PARP4: variants seen among roughly 807,000 people sequenced by gnomAD.
PARP4 encodes the protein protein mono-ADP-ribosyltransferase PARP4.
PARP4 carries 120 observed loss-of-function variants against 187.7 expected under a neutral mutation model. That is an observed-to-expected ratio of 0.64 (90% CI 0.55 to 0.74). The LOEUF (loss-of-function observed/expected upper bound fraction) is 0.74. Ranked by LOEUF, PARP4 falls within the 30% of genes least tolerant of loss-of-function variation. The pLI is 0.00. For missense variants in PARP4, 1,836 were observed against 2,070.5 expected, an observed-to-expected ratio of 0.89 and a Z score of 2.20; for synonymous variants, 654 against 740.9, an observed-to-expected ratio of 0.88 and a Z score of 1.90.
At chr13:24,496,891 C>T (rs1404692942) in intron 6 of PARP4, among the ~76,000 whole-genome samples, 1 of 152,136 alleles carries the variant, frequency 6.6e-6, no homozygotes, top group African/African-American at 2.4e-5. Context: ...GGCGTGGCAG[C>T]GCATGCCTGT....
At position 24,486,175 on chromosome 13, in the gene PARP4, A is replaced by C. The variant is rs73154350; in HGVS notation, c.1345T>G (p.Leu449Val). 4 of 1,609,790 alleles carry C rather than the reference A, an allele frequency of 2.5e-6. No individual in the cohort carries two copies. The highest frequency in any genetic ancestry group is 3.4e-6 in the Non-Finnish European group (4 of 1,178,526). The change falls in exon 11 of 34, where the codon TTG becomes GTG. Residue 449 changes from leucine to valine, a missense_variant. By Grantham distance (32) the Leu-to-Val change is conservative (BLOSUM62 1). Transcript: ENST00000381989. ...GSPVQNIVGILCRGLLLPKVV... is the reference protein window; with the variant it reads ...GSPVQNIVGIVCRGLLLPKVV... ...AAAGATGGCTACTCTTACCGACACA[A>C]GATTCCCACGATGTTTTGTACAGGA...
At chr13:24,491,122 AT>A (rs569158116) in intron 9 of PARP4, among the ~76,000 whole-genome samples, 1,417 of 137,840 alleles carry the variant, frequency 0.01, 11 homozygotes, top group African/African-American at 0.011. Context: ...CATGACTGAC[AT>A]TTTTTTTTTT....
intron 31 of PARP4, among the ~76,000 whole-genome samples, chr13:24,432,765 C>T (rs1870409402): frequency 6.6e-6 from 1 of 151,790 alleles, no homozygotes; most frequent in South Asian, 2.1e-4. Flanking sequence ...TTTAAAACTA[C>T]CTTCCCTGCA....
At chr13:24,475,387 C>T (rs1872933349) in intron 15 of PARP4, 85 bp downstream of exon 15, 11 of 1,261,122 alleles carry the variant, frequency 8.7e-6, no homozygotes, top group Non-Finnish European at 1.3e-5. Context: ...TATCTATTCC[C>T]TTCAGTTCAT....
intron 17 of PARP4, among the ~76,000 whole-genome samples, chr13:24,465,772 T>TA (rs34165229): frequency 8.7e-5 from 13 of 148,922 alleles, no homozygotes; most frequent in Non-Finnish European, 1.0e-4. Context: ...CCCAGAACTT[T>TA]AAAAAAAAAA....
intron 27 of PARP4, among the ~76,000 whole-genome samples, chr13:24,445,165 G>GACATCTGC (rs970185792): frequency 1.4e-4 from 22 of 152,010 alleles, no homozygotes; most frequent in African/African-American, 5.3e-4. Context: ...CACACGTAAC[G>GACATCTGC]ACATCTGCAT....
At chr13:24,453,027 T>C (rs531515597) in intron 23 of PARP4, among the ~76,000 whole-genome samples, 3 of 152,174 alleles carry the variant, frequency 2.0e-5, no homozygotes, top group Non-Finnish European at 4.4e-5. Flanking sequence ...TTCTACCTCC[T>C]GGGTTCAAGC....
intron 32 of PARP4, among the ~76,000 whole-genome samples, chr13:24,427,099 T>A (rs1870099427): frequency 6.6e-6 from 1 of 152,050 alleles, no homozygotes; most frequent in South Asian, 2.1e-4. Context: ...TCACTTGCCA[T>A]CTTCAATAAC....
chr13:24,430,011 T>G (rs1319048938), intron 32 of PARP4, among the ~76,000 whole-genome samples: 4 of 152,256 alleles, frequency 2.6e-5, no homozygotes, highest in Non-Finnish European at 5.9e-5. Context: ...TTTCTTTCTT[T>G]CAAAGATTAT....
intron 14 of PARP4, among the ~76,000 whole-genome samples, 170 bp from the exon 15 acceptor site, chr13:24,475,766 G>A (rs532517379): frequency 1.1e-4 from 17 of 149,256 alleles, no homozygotes; most frequent in African/African-American, 3.2e-4. Flanking sequence ...GAACCCACAT[G>A]AGAAAAATGA....
intron 3 of PARP4, among the ~76,000 whole-genome samples, 180 bp from the exon 4 acceptor site, chr13:24,500,562 C>T (rs2275662): frequency 0.098 from 14,923 of 152,226 alleles, 806 homozygotes; most frequent in Non-Finnish European, 0.12. Context: ...ATAGGGAGAA[C>T]ATACTCTAAT....
At chr13:24,484,621 GT>G (rs1474783848) in intron 12 of PARP4, 31 bp downstream of exon 12, 1 of 1,411,328 alleles carries the variant, frequency 7.1e-7, no homozygotes, top group Non-Finnish European at 1.0e-6. Flanking sequence ...CAAGTATTCA[GT>G]AACGATTCTG....
chr13:24,506,058 G>A (rs986753930), intron 1 of PARP4, among the ~76,000 whole-genome samples: 2 of 152,202 alleles, frequency 1.3e-5, no homozygotes, highest in African/African-American at 4.8e-5. Context: ...GAATTTGTGG[G>A]TTCTTGGTCT....
At chr13:24,459,169 TC>T in intron 19 of PARP4, 47 bp from the exon 20 acceptor site, 1 of 1,578,506 alleles carries the variant, frequency 6.3e-7, no homozygotes, top group Non-Finnish European at 8.6e-7. Context: ...ATCTTAAATT[TC>T]TATCTGAAAT....
intron 1 of PARP4, among the ~76,000 whole-genome samples, chr13:24,507,181 C>T (rs999929303): frequency 4.6e-5 from 7 of 152,240 alleles, no homozygotes; most frequent in African/African-American, 1.2e-4. Context: ...TTCCGTCCTG[C>T]GCCTGCAAGC....
At chr13:24,446,884 C>T in intron 26 of PARP4, 123 bp from the exon 27 acceptor site, 1 of 1,387,218 alleles carries the variant, frequency 7.2e-7, no homozygotes. Flanking sequence ...CTCCCCAAAG[C>T]CCTGGCTAAC....
At chr13:24,436,504 C>T (rs1286672313) in intron 30 of PARP4, among the ~76,000 whole-genome samples, 1 of 151,918 alleles carries the variant, frequency 6.6e-6, no homozygotes, top group Non-Finnish European at 1.5e-5. Flanking sequence ...GATGTGGTCT[C>T]ATTATGTTGA....
chr13:24,467,019 G>A (rs73154323), intron 17 of PARP4, among the ~76,000 whole-genome samples: 13,255 of 152,172 alleles, frequency 0.087, 699 homozygotes, highest in Non-Finnish European at 0.12. Flanking sequence ...GAAACTCACA[G>A]ATTGGATAAA....
intron 30 of PARP4, 45 bp from the exon 31 acceptor site, chr13:24,435,519 T>C: frequency 3.3e-6 from 5 of 1,515,700 alleles, no homozygotes; most frequent in Non-Finnish European, 4.4e-6. Flanking sequence ...AAACACAGAA[T>C]AAAAAGAACA....
Sources: gnomAD v4.1 joint callset for allele counts (sites outside exome capture counted in the v4.1 genomes callset) on GRCh38, gnomAD v4.1.1 for gene constraint, MANE v1.5 for transcripts, NCBI Gene and HGNC (gene_info 2026-07-23, HGNC 2026-07-21) for gene names.